The following XRN1 variants were observed in gnomAD, a reference collection of about 807,000 sequenced individuals.
XRN1 encodes the protein 5'-3' exoribonuclease 1.
A neutral mutation model predicts 222.3 loss-of-function variants in XRN1; 67 were observed. The ratio of observed to expected loss-of-function variants is 0.30; its 90% confidence interval spans 0.25 to 0.37. The LOEUF (loss-of-function observed/expected upper bound fraction) is 0.37. Among genes scored for constraint, XRN1 ranks in the 10% least tolerant of loss-of-function variants. The pLI, the probability that XRN1 is intolerant of heterozygous loss-of-function variation, is 1.00. For synonymous variants in XRN1, 643 were observed against 652.4 expected (o/e 0.99, Z 0.22); for missense variants, 1,707 against 2,000.2 (o/e 0.85, Z 2.80).
chr3:142,416,769 T>C (rs544077313), intron 13 of XRN1, among the ~76,000 whole-genome samples: 2 of 152,014 alleles, frequency 1.3e-5, no homozygotes, highest in East Asian at 1.9e-4. Context: ...CAGTGACTCA[T>C]GCCTGTAATC....
chr3:142,384,616 A>G lies in XRN1; in HGVS notation c.2409T>C (p.Gly803=), dbSNP rs2067428061. 6.2e-7 allele frequency: 1 copy of G among 1,612,378 alleles called. No homozygotes were observed. Among genetic ancestry groups the G allele is most frequent in the Non-Finnish European group, 8.5e-7 (1 of 1,179,326 alleles). Residue 803 remains glycine, a synonymous_variant, in exon 21 of 41, where the codon GGT becomes GGC. Coordinates refer to ENST00000392981, the MANE Select transcript of XRN1 (RefSeq NM_001282857.2). ...SAVVYAQLLT[G]RKYQINQNGE... ...CATTTTGATTTATTTGATATTTACG[A>G]CCTGTGAGTAACTGAGCATACACAA...
At chr3:142,332,742 TC>T in intron 35 of XRN1, 1 of 751,262 alleles carries the variant, frequency 1.3e-6, no homozygotes, top group Non-Finnish European at 2.0e-6. Flanking sequence ...TTAACTTTCA[TC>T]CCAGTTACCT....
In XRN1 at chr3:142,432,749, T is replaced by G; in HGVS notation, c.220A>C (p.Ile74Leu). 6.2e-7 allele frequency: 1 copy of G among 1,613,786 alleles called. No individual in the cohort carries two copies. Among genetic ancestry groups the G allele is most frequent in the Non-Finnish European group, 8.5e-7 (1 of 1,179,940 alleles). Reference sequence around the variant, plus strand: ...AAGAACACTTTCCTGGGTTTAATAATGCGAAACAACACCTCCAGGTAGTGA... The same window carrying G: ...AAGAACACTTTCCTGGGTTTAATAAGGCGAAACAACACCTCCAGGTAGTGA... ...IFHYLEVLFR[I>L]IKPRKVFFMA... is the part of the protein sequence containing the mutation. Residue 74 changes from isoleucine to leucine, a missense_variant, in exon 2 of 41, where the codon ATT becomes CTT. By Grantham distance (5) the Ile-to-Leu change is conservative (BLOSUM62 2). This residue lies in a region of XRN1 where 1,234 missense variants were observed against 1,518.2 expected (regional missense o/e 0.81). Coordinates refer to ENST00000392981, the MANE Select transcript of XRN1 (RefSeq NM_001282857.2).
At chr3:142,330,660 C>CTTTATCTT (rs1329658809) in intron 36 of XRN1, among the ~76,000 whole-genome samples, 1 of 149,104 alleles carries the variant, frequency 6.7e-6, no homozygotes, top group Admixed American at 6.7e-5. Flanking sequence ...ATGGGACCAT[C>CTTTATCTT]TTTATCTAAT....
intron 15 of XRN1, among the ~76,000 whole-genome samples, chr3:142,411,433 T>C (rs1349204521): frequency 6.6e-6 from 1 of 152,148 alleles, no homozygotes; most frequent in Non-Finnish European, 1.5e-5. Context: ...AGGTAATTTA[T>C]TTTAAACCTT....
intron 15 of XRN1, among the ~76,000 whole-genome samples, chr3:142,410,255 A>T (rs2068512301): frequency 6.6e-6 from 1 of 152,084 alleles, no homozygotes; most frequent in Non-Finnish European, 1.5e-5. Context: ...ATATGCCTTT[A>T]TCATAAGGTT....
chr3:142,328,974 G>T (rs1040310665), intron 37 of XRN1, among the ~76,000 whole-genome samples: 3 of 151,428 alleles, frequency 2.0e-5, no homozygotes, highest in Non-Finnish European at 4.4e-5. Context: ...GCCCAGGCTG[G>T]TCTTAAACTC....
intron 33 of XRN1, among the ~76,000 whole-genome samples, chr3:142,337,677 A>G (rs1213826314): frequency 2.0e-5 from 3 of 152,246 alleles, no homozygotes. Context: ...AGAGAATATT[A>G]ACAAAATATT....
chr3:142,414,317 C>G, intron 13 of XRN1, 26 bp from the exon 14 acceptor site: 1 of 1,503,708 alleles, frequency 6.7e-7, no homozygotes, highest in Admixed American at 2.1e-5. Flanking sequence ...GAGTTTTAAA[C>G]AAGTGGCATC....
chr3:142,427,529 C>T (rs368042576), intron 2 of XRN1, among the ~76,000 whole-genome samples: 1 of 152,008 alleles, frequency 6.6e-6, no homozygotes, highest in Admixed American at 6.6e-5. Context: ...TGATCTTAAT[C>T]ATCATTTAAT....
chr3:142,355,358 A>G, intron 32 of XRN1, 43 bp downstream of exon 32: 1 of 1,109,260 alleles, frequency 9.0e-7, no homozygotes, highest in South Asian at 2.2e-5. Context: ...ATAAAAATAT[A>G]TTTTCTTTAA....
chr3:142,397,168 C>T (rs2067961142), intron 20 of XRN1, among the ~76,000 whole-genome samples, 161 bp downstream of exon 20: 1 of 152,058 alleles, frequency 6.6e-6, no homozygotes. Flanking sequence ...TACTGCTAAT[C>T]AGGTATCATT....
At chr3:142,404,539 A>G (rs2108033155) in intron 16 of XRN1, among the ~76,000 whole-genome samples, 1 of 152,304 alleles carries the variant, frequency 6.6e-6, no homozygotes, top group African/African-American at 2.4e-5. Context: ...GGGTATAATC[A>G]ATATCACAGC....
intron 39 of XRN1, among the ~76,000 whole-genome samples, chr3:142,317,726 C>T (rs931378831): frequency 1.3e-5 from 2 of 152,186 alleles, no homozygotes; most frequent in African/African-American, 2.4e-5. Flanking sequence ...CATGCCTCCT[C>T]TTTATCTTCT....
chr3:142,417,310 C>T lies in XRN1; in HGVS notation c.1347-81G>A, dbSNP rs2068826428. On this transcript the variant is annotated intron_variant, in intron 12 of 40. Transcript: ENST00000392981. ...TAGAGCACGGTATCTGCTGATACAA[C>T]ATTTTACCTCAGATGATTTATTTAA... 3.8e-6 allele frequency: 4 copies of T among 1,054,522 alleles called. No individual in the cohort carries two copies. The South Asian group carries it at 4.9e-5, about 13-fold the overall frequency. 65.3% of individuals were successfully genotyped at this position (1,054,522 alleles called of 1,614,324 possible).
intron 22 of XRN1, among the ~76,000 whole-genome samples, chr3:142,381,292 TAA>T (rs1267646488): frequency 6.6e-6 from 1 of 152,150 alleles, no homozygotes; most frequent in African/African-American, 2.4e-5. Context: ...GTGTATTTCC[TAA>T]GATAGATATT....
intron 39 of XRN1, among the ~76,000 whole-genome samples, chr3:142,316,887 G>A (rs907316746): frequency 6.6e-6 from 1 of 151,970 alleles, no homozygotes; most frequent in African/African-American, 2.4e-5. Flanking sequence ...GGGCAACATA[G>A]TGAGACCTTG....
At chr3:142,399,072 T>C (rs1161042940) in intron 19 of XRN1, among the ~76,000 whole-genome samples, 3 of 151,972 alleles carry the variant, frequency 2.0e-5, no homozygotes, top group African/African-American at 2.4e-5. Context: ...TGAAGAGATA[T>C]ATTGTGTTCA....
chr3:142,333,988 G>C (rs1039083183), intron 34 of XRN1, among the ~76,000 whole-genome samples: 1 of 152,116 alleles, frequency 6.6e-6, no homozygotes, highest in African/African-American at 2.4e-5. Context: ...AATGTACCTA[G>C]TCTATGGTAT....
Sources: allele counts gnomAD v4.1 joint callset (sites outside exome capture counted in the v4.1 genomes callset), GRCh38; gene constraint gnomAD v4.1.1; regional missense constraint gnomAD v4.1.1; transcripts MANE v1.5; gene names NCBI Gene and HGNC (gene_info 2026-07-23, HGNC 2026-07-21).